The following MAP2K1 variants were observed in gnomAD, a reference collection of about 807,000 sequenced individuals.
MAP2K1 encodes the protein dual specificity mitogen-activated protein kinase kinase 1.
MAP2K1 carries 16 observed loss-of-function variants against 46.3 expected under a neutral mutation model. That is an observed-to-expected ratio of 0.35 (90% confidence interval 0.23 to 0.52). The LOEUF (loss-of-function observed/expected upper bound fraction) is 0.52. Ranked by LOEUF, MAP2K1 falls within the 20% of genes least tolerant of loss-of-function variation. The pLI, the probability that MAP2K1 is intolerant of heterozygous loss-of-function variation, is 0.94. For synonymous variants in MAP2K1, 183 were observed against 185.6 expected (o/e 0.99, Z 0.11); for missense variants, 263 against 497.1 (o/e 0.53, Z 4.48).
At chr15:66,458,099 T>A (rs1040531525) in intron 5 of MAP2K1, among the ~76,000 whole-genome samples, 1 of 152,166 alleles carries the variant, frequency 6.6e-6, no homozygotes, top group African/African-American at 2.4e-5. Flanking sequence ...CTGAAAAGAA[T>A]TAGCTGCCAA....
intron 5 of MAP2K1, among the ~76,000 whole-genome samples, chr15:66,480,998 C>T (rs929606220): frequency 2.0e-5 from 3 of 152,154 alleles, no homozygotes; most frequent in African/African-American, 7.2e-5. Context: ...GGCCAATGTA[C>T]TGGTATTTGT....
At chr15:66,408,553 A>T (rs2093403548) in intron 1 of MAP2K1, among the ~76,000 whole-genome samples, 1 of 150,824 alleles carries the variant, frequency 6.6e-6, no homozygotes, top group African/African-American at 2.4e-5. Context: ...TGGGGGTGGT[A>T]TGGGGTTGTG....
chr15:66,395,082 T>G (rs1264321154), intron 1 of MAP2K1, among the ~76,000 whole-genome samples: 1 of 152,146 alleles, frequency 6.6e-6, no homozygotes, highest in Non-Finnish European at 1.5e-5. Context: ...TGTGGTAGAG[T>G]ACAGTAGTCC....
At chr15:66,415,431 C>A (rs772330513) in intron 1 of MAP2K1, among the ~76,000 whole-genome samples, 14 of 152,192 alleles carry the variant, frequency 9.2e-5, no homozygotes, top group Non-Finnish European at 1.8e-4. Flanking sequence ...GTCTAGTCCT[C>A]ATCTTTGTGA....
intron 8 of MAP2K1, among the ~76,000 whole-genome samples, chr15:66,488,210 G>A (rs976310740): frequency 3.3e-5 from 5 of 152,184 alleles, no homozygotes; most frequent in Non-Finnish European, 5.9e-5. Flanking sequence ...CCAAGCTGCT[G>A]GTCTCCTCTC....
rs781022017 is a variant in MAP2K1 at position 66,487,212 on chromosome 15, T to C, written c.896-16T>C. 1.9e-6 allele frequency: 3 copies of C among 1,612,296 alleles called. No homozygotes were observed. Among genetic ancestry groups the C allele is most frequent in the Non-Finnish European group, 2.5e-6 (3 of 1,178,310 alleles). ...CTGTTTCTGAGAAGTATTTTTTCTT[T>C]TTATAAAATTTGTAGCATACGGAAT... On this transcript the variant is annotated splice_polypyrimidine_tract_variant and intron_variant, in intron 7 of 10. Coordinates refer to ENST00000307102, the MANE Select transcript of MAP2K1 (RefSeq NM_002755.4).
At chr15:66,462,496 C>T (rs1319700985) in intron 5 of MAP2K1, among the ~76,000 whole-genome samples, 1 of 72,900 alleles carries the variant, frequency 1.4e-5, no homozygotes, top group Admixed American at 1.6e-4. Flanking sequence ...GACTCTGTCT[C>T]AAAAAAAAAA....
Position 66,435,230 on chromosome 15 carries a change from C to A in MAP2K1, c.284C>A (p.Ala95Asp), listed in dbSNP as rs2140579991. ...CACAAGCCTTCTGGCCTGGTCATGG[C>A]CAGAAAGGTGAGTTTGCCTTGATTA... ...VSHKPSGLVM[A>D]RKLIHLEIKP... Residue 95 changes from alanine to aspartate, a missense_variant, in exon 2 of 11, where the codon GCC (alanine) becomes GAC (aspartate). By Grantham distance (126) the Ala-to-Asp change is moderately radical (BLOSUM62 -2). This residue lies in a region of MAP2K1 where 103 missense variants were observed against 221.6 expected (regional missense o/e 0.46). Transcript: ENST00000307102. 1 of 1,613,608 alleles carries A rather than the reference C, an allele frequency of 6.2e-7. No homozygotes were observed. Among genetic ancestry groups the A allele is most frequent in the Non-Finnish European group, 8.5e-7 (1 of 1,179,658 alleles).
chr15:66,461,703 T>C (rs1892326913), intron 5 of MAP2K1, among the ~76,000 whole-genome samples: 1 of 152,052 alleles, frequency 6.6e-6, no homozygotes, highest in African/African-American at 2.4e-5. Flanking sequence ...GGGCTGTCAT[T>C]AGGTGGTGGT....
chr15:66,463,529 C>A (rs1892384369), intron 5 of MAP2K1, among the ~76,000 whole-genome samples: 2 of 152,046 alleles, frequency 1.3e-5, no homozygotes, highest in Non-Finnish European at 2.9e-5. Context: ...GTTGCCCAAG[C>A]TGGAGTGCAA....
chr15:66,401,166 C>T (rs911734295), intron 1 of MAP2K1, among the ~76,000 whole-genome samples: 2 of 152,058 alleles, frequency 1.3e-5, no homozygotes, highest in African/African-American at 2.4e-5. Flanking sequence ...TATTAGGTGG[C>T]TTCCAGATTC....
chr15:66,435,916 A>G (rs1167567901), intron 2 of MAP2K1, among the ~76,000 whole-genome samples: 3 of 152,294 alleles, frequency 2.0e-5, no homozygotes, highest in Middle Eastern at 6.8e-3. Context: ...TTCCTGCATT[A>G]TAGCATCTGA....
chr15:66,424,740 T>C (rs898592128), intron 1 of MAP2K1, among the ~76,000 whole-genome samples: 1 of 151,270 alleles, frequency 6.6e-6, no homozygotes, highest in Non-Finnish European at 1.5e-5. Context: ...TAGTGGTTCT[T>C]GGCTTGAAGT....
chr15:66,462,603 G>GAA (rs56063254), intron 5 of MAP2K1, among the ~76,000 whole-genome samples: 43 of 148,642 alleles, frequency 2.9e-4, no homozygotes, highest in East Asian at 2.0e-4. Flanking sequence ...AGATTTTTCT[G>GAA]AAAAAAAAAA....
intron 1 of MAP2K1, among the ~76,000 whole-genome samples, chr15:66,412,522 G>T (rs2093413845): frequency 6.6e-6 from 1 of 152,118 alleles, no homozygotes; most frequent in South Asian, 2.1e-4. Context: ...TTCTTTGAAG[G>T]TTTCAAATGA....
At chr15:66,435,328 C>G (rs2093485079) in intron 2 of MAP2K1, 91 bp downstream of exon 2, 4 of 1,012,248 alleles carry the variant, frequency 4.0e-6, no homozygotes, top group Non-Finnish European at 6.2e-6. Flanking sequence ...TGATTTTACT[C>G]AATACCTTTT....
chr15:66,441,117 AC>A (rs2093502490), intron 3 of MAP2K1, among the ~76,000 whole-genome samples: 1 of 152,018 alleles, frequency 6.6e-6, no homozygotes, highest in South Asian at 2.1e-4. Context: ...GATGTGCATC[AC>A]CATGTCCAGC....
intron 7 of MAP2K1, among the ~76,000 whole-genome samples, chr15:66,486,254 A>C (rs947869341): frequency 6.6e-6 from 1 of 152,202 alleles, no homozygotes; most frequent in South Asian, 2.1e-4. Flanking sequence ...TAGAATTCAC[A>C]TAAGACAAAA....
At chr15:66,416,429 A>G (rs2093424775) in intron 1 of MAP2K1, among the ~76,000 whole-genome samples, 1 of 151,436 alleles carries the variant, frequency 6.6e-6, no homozygotes. Context: ...TTGTCTTCAT[A>G]GCCTAGCCTC....
Sources: allele counts gnomAD v4.1 joint callset (sites outside exome capture counted in the v4.1 genomes callset), GRCh38; gene constraint gnomAD v4.1.1; regional missense constraint gnomAD v4.1.1; transcripts MANE v1.5; gene names NCBI Gene and HGNC (gene_info 2026-07-23, HGNC 2026-07-21).